The following ZNF407 variants were observed in gnomAD, a reference collection of about 807,000 sequenced individuals.
ZNF407 encodes zinc finger protein 407.
In ZNF407, 17 loss-of-function variants were observed where a neutral mutation model predicts 131.2. The ratio of observed to expected loss-of-function variants is 0.13; its 90% CI spans 0.09 to 0.19. The LOEUF (loss-of-function observed/expected upper bound fraction) is 0.19. Among genes scored for constraint, ZNF407 ranks in the 10% least tolerant of loss-of-function variants. The probability of loss-of-function intolerance (pLI) is 1.00; values close to 1 mark genes in which losing one functional copy is unlikely to be tolerated. For missense variants in ZNF407, 2,681 were observed against 2,830.6 expected (o/e 0.95, Z 1.20); for synonymous variants, 1,156 against 1,062.0 (o/e 1.09, Z -1.72).
At chr18:74,661,438 A>G (rs1327305190) in intron 3 of ZNF407, among the ~76,000 whole-genome samples, 1 of 149,552 alleles carries the variant, frequency 6.7e-6, no homozygotes, top group East Asian at 1.9e-4. Flanking sequence ...TTTCTCTTTT[A>G]TATTTAATCA....
chr18:74,696,997 C>T (rs1212012663), intron 3 of ZNF407, among the ~76,000 whole-genome samples: 1 of 152,130 alleles, frequency 6.6e-6, no homozygotes, highest in African/African-American at 2.4e-5. Flanking sequence ...TTAAAATATG[C>T]TTAAAATTTT....
At chr18:74,651,223 G>A (rs1049454378) in intron 3 of ZNF407, among the ~76,000 whole-genome samples, 1 of 152,112 alleles carries the variant, frequency 6.6e-6, no homozygotes, top group Non-Finnish European at 1.5e-5. Context: ...TGTTAGTTAT[G>A]AAGAGCGATG....
chr18:74,832,173 A>T (rs1320408119), intron 4 of ZNF407, among the ~76,000 whole-genome samples: 1 of 152,170 alleles, frequency 6.6e-6, no homozygotes, highest in African/African-American at 2.4e-5. Context: ...ACAGACGAAG[A>T]TGTTGAGGCT....
At chr18:74,900,106 G>A (rs1175773518) in intron 7 of ZNF407, among the ~76,000 whole-genome samples, 2 of 152,208 alleles carry the variant, frequency 1.3e-5, no homozygotes, top group Non-Finnish European at 2.9e-5. Context: ...AAACCGTGAG[G>A]CTGAAAACTG....
Position 74,842,648 on chromosome 18 carries a change from C to T in ZNF407, c.4878-34549C>T, listed in dbSNP as rs1196570384. Among the ~76,000 whole-genome samples the T allele has an allele frequency of 2.0e-5, 3 of 151,474 alleles. No homozygotes were observed. The East Asian group carries it at 5.8e-4, about 29-fold the overall frequency. On this transcript the variant is annotated intron_variant, in intron 4 of 8. Transcript: ENST00000299687. ...TGAGATTCCTTTTCATTTTCTTTGA[C>T]CTGTTGAGTGTGTCATTTAGACAAA...
chr18:74,745,419 C>T (rs1450181056), intron 3 of ZNF407, among the ~76,000 whole-genome samples: 5 of 151,992 alleles, frequency 3.3e-5, no homozygotes, highest in African/African-American at 1.2e-4. Flanking sequence ...ATGTGAAGAT[C>T]AGATGTGAAG....
At chr18:74,697,914 A>G (rs1326504774) in intron 3 of ZNF407, among the ~76,000 whole-genome samples, 1 of 152,246 alleles carries the variant, frequency 6.6e-6, no homozygotes, top group African/African-American at 2.4e-5. Context: ...TCAATGACCT[A>G]GGATTTTTAA....
At chr18:74,951,721 G>T (rs1972216443) in intron 8 of ZNF407, among the ~76,000 whole-genome samples, 1 of 151,806 alleles carries the variant, frequency 6.6e-6, no homozygotes, top group South Asian at 2.1e-4. Flanking sequence ...CATTAACTTT[G>T]ATTCATTTTC....
intron 4 of ZNF407, among the ~76,000 whole-genome samples, chr18:74,851,177 C>T (rs572178766): frequency 1.7e-3 from 252 of 152,248 alleles, no homozygotes; most frequent in Middle Eastern, 0.014. Context: ...ATTATTCAAA[C>T]GTCTTTTCTT....
chr18:74,638,764 T>G (rs939100373), intron 2 of ZNF407, among the ~76,000 whole-genome samples: 1 of 152,206 alleles, frequency 6.6e-6, no homozygotes, highest in African/African-American at 2.4e-5. Context: ...ATATTGTTTT[T>G]AATAATCAAA....
rs189050292 is a variant in ZNF407 at position 74,725,858 on chromosome 18, C to T, written c.4803-55570C>T. Among the ~76,000 whole-genome samples, 4 of 152,270 alleles carry T rather than the reference C, an allele frequency of 2.6e-5. No individual in the cohort carries two copies. The East Asian group carries it at 7.7e-4, about 29-fold the overall frequency. ...GTTAAAACACGATAGTCACACAAAACTGATGCTTTCTCTATTATGCAACTT... is the reference window on the plus strand; with the variant it reads ...GTTAAAACACGATAGTCACACAAAATTGATGCTTTCTCTATTATGCAACTT... On this transcript the variant is annotated intron_variant, in intron 3 of 8. Coordinates refer to ENST00000299687, the MANE Select transcript of ZNF407 (RefSeq NM_017757.3).
intron 8 of ZNF407, among the ~76,000 whole-genome samples, chr18:75,011,048 G>A (rs1254006723): frequency 2.0e-5 from 3 of 152,120 alleles, no homozygotes; most frequent in African/African-American, 7.2e-5. Flanking sequence ...ACAGCACTTG[G>A]AAAACCTGTG....
chr18:74,779,109 A>ATTTTTTT (rs869191171), intron 3 of ZNF407, among the ~76,000 whole-genome samples: 4 of 24,374 alleles, frequency 1.6e-4, no homozygotes, highest in Non-Finnish European at 2.2e-4. Context: ...ATATATATAT[A>ATTTTTTT]TTTTTTTTTT....
intron 8 of ZNF407, among the ~76,000 whole-genome samples, chr18:75,019,496 T>G (rs920734572): frequency 6.6e-6 from 1 of 152,188 alleles, no homozygotes; most frequent in Non-Finnish European, 1.5e-5. Flanking sequence ...TTTAAATTGC[T>G]TTTTAAATTA....
intron 8 of ZNF407, among the ~76,000 whole-genome samples, chr18:75,055,804 A>G (rs576637520): frequency 3.3e-5 from 5 of 152,334 alleles, no homozygotes; most frequent in Non-Finnish European, 7.3e-5. Context: ...CATGGCAATT[A>G]AGAAAAAGGG....
At position 75,018,061 on chromosome 18, in the gene ZNF407, T is replaced by C. The variant is rs564645932; in HGVS notation, c.5429-45089T>C. Among the ~76,000 whole-genome samples the C allele has an allele frequency of 6.6e-4, 101 of 152,170 alleles. 1 individual carries two copies. Among genetic ancestry groups the C allele is most frequent in the Non-Finnish European group, 1.3e-3 (86 of 68,010 alleles). ...AAGAAGAAAAATCATTTTCTGTGAA[T>C]AGTATAATTGATATTTGCACAATAG... On this transcript the variant is annotated intron_variant, in intron 8 of 8. Coordinates refer to ENST00000299687, the MANE Select transcript of ZNF407 (RefSeq NM_017757.3).
chr18:74,655,910 A>T (rs1985435016), intron 3 of ZNF407, among the ~76,000 whole-genome samples: 1 of 152,190 alleles, frequency 6.6e-6, no homozygotes, highest in Non-Finnish European at 1.5e-5. Context: ...CTGCCAATTT[A>T]TATGGCTGGC....
intron 4 of ZNF407, among the ~76,000 whole-genome samples, chr18:74,817,463 CA>C (rs1243181970): frequency 6.6e-6 from 1 of 152,096 alleles, no homozygotes; most frequent in African/African-American, 2.4e-5. Context: ...ATCACTTCTG[CA>C]ATCTTCAGTC....
chr18:74,893,134 G>A (rs559040676), intron 7 of ZNF407, among the ~76,000 whole-genome samples: 6 of 152,196 alleles, frequency 3.9e-5, no homozygotes, highest in African/African-American at 9.6e-5. Context: ...GTTTAGGACC[G>A]CATTTGAGCC....
Sources: gnomAD v4.1 joint callset for allele counts (sites outside exome capture counted in the v4.1 genomes callset) on GRCh38, gnomAD v4.1.1 for gene constraint, MANE v1.5 for transcripts, NCBI Gene and HGNC (gene_info 2026-07-23, HGNC 2026-07-21) for gene names.